The following ERCC6L variants were observed in gnomAD, a reference collection of about 807,000 sequenced individuals.
The protein encoded by ERCC6L is ERCC excision repair 6 like, spindle assembly checkpoint helicase.
ERCC6L carries 7 observed loss-of-function variants against 20.1 expected under a neutral mutation model. The observed-to-expected ratio is 0.35, with a 90% CI of 0.20 to 0.65. The LOEUF (loss-of-function observed/expected upper bound fraction) is 0.65, where lower values mean the gene tolerates loss of function less well. Ranked by LOEUF, ERCC6L falls within the 30% of genes least tolerant of loss-of-function variation. The pLI, the probability that ERCC6L is intolerant of heterozygous loss-of-function variation, is 0.69. For synonymous variants in ERCC6L, 278 were observed against 331.3 expected (o/e 0.84, Z 1.75); for missense variants, 592 against 892.4 (o/e 0.66, Z 4.29).
chrX:72,215,545 G>A (rs1175173112), intron 1 of ERCC6L, among the ~76,000 whole-genome samples: 1 of 111,988 alleles, frequency 8.9e-6, no homozygotes, highest in East Asian at 2.8e-4. Flanking sequence ...ATGTGATAAA[G>A]TGAGTATAGT....
At chrX:72,230,808 AC>A (rs1250495590) in intron 1 of ERCC6L, among the ~76,000 whole-genome samples, 2 of 111,004 alleles carry the variant, frequency 1.8e-5, no homozygotes, top group Non-Finnish European at 3.8e-5. Context: ...TACCAAAAAT[AC>A]AAAAAATTAG....
intron 1 of ERCC6L, among the ~76,000 whole-genome samples, chrX:72,210,634 T>C (rs2042848848): frequency 9.0e-6 from 1 of 111,327 alleles, no homozygotes; most frequent in Non-Finnish European, 1.9e-5. Flanking sequence ...GATCCTTAGC[T>C]CTGGGCCAGA....
At chrX:72,220,244 T>TA (rs1220812721) in intron 1 of ERCC6L, among the ~76,000 whole-genome samples, 2 of 110,931 alleles carry the variant, frequency 1.8e-5, no homozygotes, top group Non-Finnish European at 3.8e-5. Flanking sequence ...GGACTAAAGA[T>TA]AAAAAATGTA....
Position 72,206,213 on chromosome X carries a change from G to A in ERCC6L, c.2554C>T (p.Pro852Ser). 8.3e-7 allele frequency: 1 copy of A among 1,210,856 alleles called. No individual in the cohort carries two copies. Among genetic ancestry groups the A allele is most frequent in the Admixed American group, 2.2e-5 (1 of 45,878 alleles). Reference protein sequence around the residue: ...AVQKETLQEGPKQEALQEDPL... With the variant: ...AVQKETLQEGSKQEALQEDPL... ...TCCTCTTGCAGTGCCTCTTGCTTAG[G>A]CCCCTCTTGTAATGTCTCTTTTTGT... Residue 852 changes from proline (P) to serine (S), a missense_variant, in exon 2 of 2, where the codon CCT (proline) becomes TCT (serine). Pro to Ser is a moderately conservative substitution (Grantham distance 74). Around this residue, in one of 3 missense-constraint regions of ERCC6L, gnomAD observed 352 missense variants for 402.6 expected, o/e 0.87. Transcript: ENST00000334463.
chrX:72,233,344 G>A (rs1484991197), intron 1 of ERCC6L, among the ~76,000 whole-genome samples: 1 of 111,797 alleles, frequency 8.9e-6, no homozygotes, highest in Non-Finnish European at 1.9e-5. Flanking sequence ...AAGTGGAGGG[G>A]AGGGGAGAAC....
Position 72,204,956 on chromosome X carries a change from G to A in ERCC6L, c.*58C>T, listed in dbSNP as rs761718800. ...ATGTTCCCAAAGAATCCAATTATGG[G>A]AACAAAAATTCCCTCATATTCAGTT... On this transcript the variant is annotated 3_prime_UTR_variant, in exon 2 of 2. Coordinates refer to ENST00000334463, the MANE Select transcript of ERCC6L (RefSeq NM_017669.4). 33 of 1,020,627 alleles carry A rather than the reference G, an allele frequency of 3.2e-5. No individual in the cohort carries two copies. In the South Asian group the frequency reaches 4.5e-4, roughly 14 times the overall value. 84.1% of individuals were successfully genotyped at this position (1,020,627 alleles called of 1,213,427 possible). A position where few individuals can be genotyped will look rare whatever the true frequency, so the allele number is the denominator to read the frequency against.
Position 72,207,428 on chromosome X carries a change from T to C in ERCC6L, c.1339A>G (p.Ile447Val). 1 of 1,211,433 alleles carries C rather than the reference T, an allele frequency of 8.3e-7. No homozygotes were observed. Residue 447 changes from isoleucine (I) to valine (V), a missense_variant, in exon 2 of 2, where the codon ATT (isoleucine) becomes GTT (valine). Transcript: ENST00000334463. ...AATGTGTCATCAGTTACTTGATCAA[T>C]ATGGTCCACATCTGGGGAATCTTCC... ...EGEDSPDVDH[I>V]DQVTDDTLME...
chrX:72,232,401 T>A (rs1602452156), intron 1 of ERCC6L, among the ~76,000 whole-genome samples: 1 of 62,797 alleles, frequency 1.6e-5, no homozygotes, highest in African/African-American at 7.2e-5. Context: ...CTGGGCAACA[T>A]AGCCAGACCT....
chrX:72,204,780 CAGTT>C lies in ERCC6L; in HGVS notation c.*230_*233del. The C allele has an allele frequency of 4.0e-6, 1 of 248,210 alleles. No homozygotes were observed. Among genetic ancestry groups the C allele is most frequent in the Non-Finnish European group, 7.1e-6 (1 of 140,833 alleles). 20.5% of individuals were successfully genotyped at this position (248,210 alleles called of 1,213,427 possible). A position where few individuals can be genotyped will look rare whatever the true frequency, so the allele number is the denominator to read the frequency against. The stretch of plus-strand genomic sequence containing the variant: ...TTACAAAACTTTCCAAGAAACAACA[CAGTT>C]AAATTTATAGAATATGCCTAAAATA... On this transcript the variant is annotated 3_prime_UTR_variant, in exon 2 of 2. Transcript: ENST00000334463.
intron 1 of ERCC6L, among the ~76,000 whole-genome samples, chrX:72,212,294 A>T (rs2042860595): frequency 9.0e-6 from 1 of 110,616 alleles, no homozygotes; most frequent in African/African-American, 3.3e-5. Flanking sequence ...TAATAATAAT[A>T]AAATCATCTC....
At chrX:72,223,654 G>A (rs1028909528) in intron 1 of ERCC6L, among the ~76,000 whole-genome samples, 4 of 111,431 alleles carry the variant, frequency 3.6e-5, no homozygotes, top group Non-Finnish European at 1.9e-5. Flanking sequence ...CTCCCAAAGT[G>A]CTGGAAGGCC....
At chrX:72,233,615 G>A (rs1029592286) in intron 1 of ERCC6L, among the ~76,000 whole-genome samples, 4 of 108,328 alleles carry the variant, frequency 3.7e-5, no homozygotes, top group African/African-American at 1.0e-4. Flanking sequence ...CCAGCTACTC[G>A]GGAGGCTGAG....
At chrX:72,228,305 T>C (rs2042964880) in intron 1 of ERCC6L, among the ~76,000 whole-genome samples, 1 of 112,247 alleles carries the variant, frequency 8.9e-6, no homozygotes, top group South Asian at 3.7e-4. Flanking sequence ...GCTATTTCTT[T>C]ATGGCACCAG....
In ERCC6L at chrX:72,208,361, G is replaced by A; in HGVS notation, c.406C>T (p.Leu136Phe). Reference sequence around the variant, plus strand: ...AGTGATGCATCAAACATACCGGAAAGGAAAGCAATGATTTGAACAGTCTTC... The same window carrying A: ...AGTGATGCATCAAACATACCGGAAAAGAAAGCAATGATTTGAACAGTCTTC... ...LGKTVQIIAF[L>F]SGMFDASLVN... Residue 136 changes from leucine (L) to phenylalanine (F), a missense_variant, in exon 2 of 2, where the codon CTT becomes TTT. By Grantham distance (22) the Leu-to-Phe change is conservative. Around this residue, in one of 3 missense-constraint regions of ERCC6L, gnomAD observed 196 missense variants for 440.1 expected, o/e 0.45. Coordinates refer to ENST00000334463, the MANE Select transcript of ERCC6L (RefSeq NM_017669.4). 8.3e-7 allele frequency: 1 copy of A among 1,211,658 alleles called. No individual in the cohort carries two copies. The highest frequency in any genetic ancestry group is 1.1e-6 in the Non-Finnish European group (1 of 895,428).
intron 1 of ERCC6L, among the ~76,000 whole-genome samples, chrX:72,234,033 C>G (rs1434867666): frequency 9.1e-6 from 1 of 109,384 alleles, no homozygotes; most frequent in Non-Finnish European, 1.9e-5. Flanking sequence ...TCACTTGAAC[C>G]TGGGAGGCAG....
At chrX:72,213,654 A>G (rs766709825) in intron 1 of ERCC6L, among the ~76,000 whole-genome samples, 2 of 112,045 alleles carry the variant, frequency 1.8e-5, no homozygotes, top group Non-Finnish European at 3.8e-5. Context: ...GCCGCTCCCA[A>G]TCGGGCTAAA....
At chrX:72,210,502 T>C (rs2042847922) in intron 1 of ERCC6L, among the ~76,000 whole-genome samples, 1 of 111,174 alleles carries the variant, frequency 9.0e-6, no homozygotes, top group Admixed American at 9.6e-5. Flanking sequence ...ATTCTTAAAT[T>C]ATTAGATTAT....
Position 72,205,039 on chromosome X carries a change from A to C in ERCC6L, c.3728T>G (p.Leu1243Trp). Reference protein sequence around the residue: ...DPEVMLLTLSLYKQLNNN With the variant: ...DPEVMLLTLSWYKQLNNN ...TCAATTGTTATTAAGTTGCTTATACAAACTTAAAGTCAAGAGCATAACTTC... is the reference window on the plus strand; with the variant it reads ...TCAATTGTTATTAAGTTGCTTATACCAACTTAAAGTCAAGAGCATAACTTC... The change falls in exon 2 of 2, where the codon TTG (leucine) becomes TGG (tryptophan). Residue 1243 changes from leucine (L) to tryptophan (W), a missense_variant. Leu to Trp is a moderately conservative substitution (Grantham distance 61). This residue lies in a region of ERCC6L where 352 missense variants were observed against 402.6 expected (regional missense o/e 0.87). Coordinates refer to ENST00000334463, the MANE Select transcript of ERCC6L (RefSeq NM_017669.4). 1 of 1,200,014 alleles carries C rather than the reference A, an allele frequency of 8.3e-7. No homozygotes were observed. Among genetic ancestry groups the C allele is most frequent in the Non-Finnish European group, 1.1e-6 (1 of 889,916 alleles).
chrX:72,232,273 TAAAAA>T (rs56070381), intron 1 of ERCC6L, among the ~76,000 whole-genome samples: 1 of 61,436 alleles, frequency 1.6e-5, no homozygotes, highest in African/African-American at 7.3e-5. Context: ...GAAGGAGTAT[TAAAAA>T]AAAAAAAAAA....
Sources: allele counts gnomAD v4.1 joint callset (sites outside exome capture counted in the v4.1 genomes callset), GRCh38; gene constraint gnomAD v4.1.1; regional missense constraint gnomAD v4.1.1; transcripts MANE v1.5; gene names NCBI Gene and HGNC (gene_info 2026-07-23, HGNC 2026-07-21).